Variants in PLCB4 observed in about 807,000 individuals in gnomAD.
PLCB4 encodes 1-phosphatidylinositol 4,5-bisphosphate phosphodiesterase beta-4.
In PLCB4, 77 loss-of-function variants were observed where a neutral mutation model predicts 178.8. That is an observed-to-expected ratio of 0.43 (90% confidence interval 0.36 to 0.52). The LOEUF is 0.52. Among genes scored for constraint, PLCB4 ranks in the 20% least tolerant of loss-of-function variants. PLCB4 has a pLI of 0.00. For missense variants in PLCB4, 1,024 were observed against 1,453.4 expected, an observed-to-expected ratio of 0.70 and a Z score of 4.80; for synonymous variants, 496 against 490.8, an observed-to-expected ratio of 1.01 and a Z score of -0.14.
At chr20:9,248,695 T>G (rs1456026552) in intron 3 of PLCB4, among the ~76,000 whole-genome samples, 1 of 152,236 alleles carries the variant, frequency 6.6e-6, no homozygotes, top group African/African-American at 2.4e-5. Context: ...TATGTATTTA[T>G]TTCTAATTTA....
Position 9,479,343 on chromosome 20 carries a change from T to C in PLCB4, c.*334T>C. On this transcript the variant is annotated 3_prime_UTR_variant, in exon 40 of 40. Coordinates refer to ENST00000378473, the MANE Select transcript of PLCB4 (RefSeq NM_001377142.1). ...CTCTCCTTTGTGATGCCTTAGGACA[T>C]GTTTGAACTGCAGCAAAAAACAAAA... The C allele has an allele frequency of 4.4e-6, 1 of 226,048 alleles. No homozygotes were observed. Among genetic ancestry groups the C allele is most frequent in the Non-Finnish European group, 8.8e-6 (1 of 114,218 alleles). The allele number at this position is 226,048 out of a possible 1,614,324, so 14.0% of individuals were successfully genotyped here. A position where few individuals can be genotyped will look rare whatever the true frequency, so the allele number is the denominator to read the frequency against.
intron 13 of PLCB4, among the ~76,000 whole-genome samples, chr20:9,382,633 A>T (rs1465177090): frequency 2.6e-5 from 4 of 152,162 alleles, no homozygotes; most frequent in African/African-American, 9.7e-5. Flanking sequence ...CTGGGTGTGC[A>T]CGTGGCTTGC....
chr20:9,163,725 A>G (rs935881141), intron 2 of PLCB4, among the ~76,000 whole-genome samples: 2 of 152,142 alleles, frequency 1.3e-5, no homozygotes, highest in Non-Finnish European at 2.9e-5. Flanking sequence ...CATTTTTCCA[A>G]TCTCTTGATC....
intron 2 of PLCB4, among the ~76,000 whole-genome samples, chr20:9,144,324 T>C (rs2092552102): frequency 6.6e-6 from 1 of 152,044 alleles, no homozygotes; most frequent in Non-Finnish European, 1.5e-5. Flanking sequence ...GGTTCTTGCT[T>C]GTACTTTTAT....
intron 7 of PLCB4, among the ~76,000 whole-genome samples, chr20:9,355,259 A>T (rs560597237): frequency 6.6e-6 from 1 of 152,110 alleles, no homozygotes; most frequent in Non-Finnish European, 1.5e-5. Context: ...TTCATTTGCC[A>T]TGCTTTTTAA....
chr20:9,432,014 A>G (rs541352271), intron 28 of PLCB4, among the ~76,000 whole-genome samples: 14 of 152,334 alleles, frequency 9.2e-5, no homozygotes, highest in African/African-American at 2.9e-4. Flanking sequence ...TCATCTTTTT[A>G]TAGAAAAGTT....
chr20:9,211,907 C>G (rs2093677157), intron 2 of PLCB4, among the ~76,000 whole-genome samples: 1 of 152,164 alleles, frequency 6.6e-6, no homozygotes, highest in Admixed American at 6.5e-5. Flanking sequence ...CATAAAATAT[C>G]TCTTCATGGA....
chr20:9,357,259 G>A (rs937756000), intron 7 of PLCB4, among the ~76,000 whole-genome samples: 2 of 152,208 alleles, frequency 1.3e-5, no homozygotes, highest in African/African-American at 4.8e-5. Flanking sequence ...ATATAGGGAA[G>A]ATGAAAGCTG....
chr20:9,292,308 G>A (rs996708971), intron 3 of PLCB4, among the ~76,000 whole-genome samples: 5 of 152,198 alleles, frequency 3.3e-5, no homozygotes, highest in Non-Finnish European at 7.4e-5. Context: ...TCATGTTGGC[G>A]ATGTTTTGCC....
chr20:9,081,732 G>T (rs993255120), intron 1 of PLCB4, among the ~76,000 whole-genome samples: 5 of 127,274 alleles, frequency 3.9e-5, no homozygotes, highest in Admixed American at 3.4e-4. Context: ...AAAGCCTGCA[G>T]ATTGGGTAAA....
intron 35 of PLCB4, among the ~76,000 whole-genome samples, chr20:9,461,878 T>G (rs1448146549): frequency 2.6e-5 from 4 of 152,182 alleles, no homozygotes; most frequent in African/African-American, 9.7e-5. Flanking sequence ...TAAACATCCC[T>G]GTCTGACAGC....
At chr20:9,460,459 GT>G (rs1331235875) in intron 35 of PLCB4, among the ~76,000 whole-genome samples, 1 of 152,194 alleles carries the variant, frequency 6.6e-6, no homozygotes, top group African/African-American at 2.4e-5. Flanking sequence ...TAGGACTTCT[GT>G]GAATTTTGAA....
chr20:9,433,408 A>G (rs1238864892), intron 28 of PLCB4, among the ~76,000 whole-genome samples: 1 of 152,232 alleles, frequency 6.6e-6, no homozygotes, highest in African/African-American at 2.4e-5. Context: ...AAATATTAAG[A>G]TGGGCTGTGT....
At chr20:9,068,715 G>C (rs999749900), upstream of PLCB4, 3 of 151,882 alleles carry the variant, frequency 2.0e-5, no homozygotes, top group Admixed American at 6.6e-5. Flanking sequence ...GCGACAGCTC[G>C]GGCTCTGGAG....
intron 23 of PLCB4, 83 bp from the exon 24 acceptor site, chr20:9,408,974 A>C: frequency 3.2e-6 from 4 of 1,257,498 alleles, no homozygotes; most frequent in Non-Finnish European, 4.5e-6. Context: ...TTGTTGGCCT[A>C]GACCTTTGTT....
chr20:9,271,279 A>C (rs1328690175), intron 3 of PLCB4, among the ~76,000 whole-genome samples: 1 of 152,180 alleles, frequency 6.6e-6, no homozygotes, highest in African/African-American at 2.4e-5. Context: ...AGAGGTAAAG[A>C]AACCAAGAAG....
chr20:9,391,890 G>C (rs2148417755), intron 17 of PLCB4, among the ~76,000 whole-genome samples: 1 of 152,262 alleles, frequency 6.6e-6, no homozygotes, highest in South Asian at 2.1e-4. Context: ...TCGTGCTCCA[G>C]CTGGCTGCAG....
chr20:9,265,469 C>T (rs1228708391), intron 3 of PLCB4, among the ~76,000 whole-genome samples: 3 of 152,048 alleles, frequency 2.0e-5, no homozygotes, highest in South Asian at 2.1e-4. Flanking sequence ...GGCAAAAGAA[C>T]GAGACTCTGT....
intron 2 of PLCB4, among the ~76,000 whole-genome samples, chr20:9,117,188 T>C (rs1185923261): frequency 6.6e-6 from 1 of 152,218 alleles, no homozygotes; most frequent in African/African-American, 2.4e-5. Flanking sequence ...TACTTTGCTG[T>C]TGAACACATG....
Sources: allele counts gnomAD v4.1 joint callset (sites outside exome capture counted in the v4.1 genomes callset), GRCh38; gene constraint gnomAD v4.1.1; transcripts MANE v1.5; gene names NCBI Gene and HGNC (gene_info 2026-07-23, HGNC 2026-07-21).